Variants in JARID2 observed in about 807,000 individuals in gnomAD.
JARID2 encodes protein Jumonji.
A neutral mutation model predicts 125.6 loss-of-function variants in JARID2; 21 were observed. The observed-to-expected ratio is 0.17, with a 90% CI of 0.12 to 0.24. The LOEUF (loss-of-function observed/expected upper bound fraction) is 0.24. JARID2 is among the 10% of genes least tolerant of loss of function. The probability of loss-of-function intolerance (pLI) is 1.00; values close to 1 mark genes in which losing one functional copy is unlikely to be tolerated. For synonymous variants in JARID2, 736 were observed against 661.6 expected, an observed-to-expected ratio of 1.11 and a Z score of -1.73; for missense variants, 1,303 against 1,639.6, an observed-to-expected ratio of 0.79 and a Z score of 3.55.
In JARID2 at chr6:15,271,453, G is replaced by A. The variant is rs964888748; in HGVS notation, c.45+24869G>A. ...ATCTCACATCTCTGTCCCAACCTGA[G>A]CATCGAAGGGTAGGGTTCCCAATAA... On this transcript the variant is annotated intron_variant, in intron 1 of 17. Transcript: ENST00000341776. Among the ~76,000 whole-genome samples, 3 of 152,184 alleles carry A rather than the reference G, an allele frequency of 2.0e-5. 1 individual carries two copies. The highest frequency in any genetic ancestry group is 4.1e-4 in the South Asian group (2 of 4,830).
chr6:15,280,354 A>G (rs1282416965), intron 1 of JARID2, among the ~76,000 whole-genome samples: 2 of 152,150 alleles, frequency 1.3e-5, no homozygotes, highest in Non-Finnish European at 2.9e-5. Context: ...TTCCCTTCCA[A>G]TTTAGAAAAA....
chr6:15,504,921 C>CT (rs1204910434), intron 9 of JARID2, among the ~76,000 whole-genome samples: 6 of 152,280 alleles, frequency 3.9e-5, no homozygotes, highest in African/African-American at 1.4e-4. Flanking sequence ...CTCTGTGTGT[C>CT]TGTTATGCAA....
At chr6:15,246,645 A>C in intron 1 of JARID2, 61 bp downstream of exon 1, 117 of 1,351,214 alleles carry the variant, frequency 8.7e-5, no homozygotes, top group Non-Finnish European at 1.2e-4. Flanking sequence ...TGTGAATGTC[A>C]AGTTTATAGA....
intron 1 of JARID2, among the ~76,000 whole-genome samples, chr6:15,270,414 G>A (rs571335023): frequency 2.5e-3 from 377 of 152,274 alleles, no homozygotes; most frequent in Non-Finnish European, 3.9e-3. Flanking sequence ...TTACAGGCAC[G>A]AGCCACTGCA....
intron 2 of JARID2, among the ~76,000 whole-genome samples, chr6:15,383,829 C>T (rs1764682582): frequency 1.3e-5 from 2 of 152,164 alleles, no homozygotes. Flanking sequence ...TGGAGTTTCG[C>T]TCTTGTCCAG....
intron 3 of JARID2, among the ~76,000 whole-genome samples, chr6:15,440,431 C>A (rs1448918513): frequency 1.3e-5 from 2 of 152,210 alleles, no homozygotes; most frequent in East Asian, 3.9e-4. Context: ...CTCCCAGCCC[C>A]TCAGGTCCCT....
intron 3 of JARID2, among the ~76,000 whole-genome samples, chr6:15,414,151 A>AAGAC (rs1304578282): frequency 6.6e-6 from 1 of 152,138 alleles, no homozygotes; most frequent in Admixed American, 6.5e-5. Flanking sequence ...ACTGAGAGGG[A>AAGAC]TTGTATGTGC....
chr6:15,278,302 A>G (rs775093585), intron 1 of JARID2, among the ~76,000 whole-genome samples: 15 of 150,330 alleles, frequency 1.0e-4, no homozygotes, highest in Non-Finnish European at 1.9e-4. Flanking sequence ...AAACACTGCA[A>G]TGAGCCAGGC....
intron 2 of JARID2, among the ~76,000 whole-genome samples, chr6:15,380,089 G>A (rs1051607206): frequency 2.0e-5 from 3 of 151,476 alleles, no homozygotes; most frequent in Non-Finnish European, 2.9e-5. Context: ...AGGCTGGAGT[G>A]TAATGGCGCA....
At chr6:15,296,782 G>A (rs535048842) in intron 1 of JARID2, among the ~76,000 whole-genome samples, 7 of 152,174 alleles carry the variant, frequency 4.6e-5, no homozygotes, top group Non-Finnish European at 7.3e-5. Context: ...GACACATTAA[G>A]GTGTTGTAGG....
intron 3 of JARID2, among the ~76,000 whole-genome samples, chr6:15,433,516 G>C (rs1341889581): frequency 2.0e-5 from 3 of 151,584 alleles, no homozygotes; most frequent in Non-Finnish European, 4.4e-5. Context: ...TCATCCAAGT[G>C]AAAGTCTTTT....
intron 3 of JARID2, among the ~76,000 whole-genome samples, chr6:15,445,995 C>T (rs759354728): frequency 1.3e-5 from 2 of 152,116 alleles, no homozygotes; most frequent in Non-Finnish European, 2.9e-5. Context: ...TTACCTGGAG[C>T]ACAACAATAC....
chr6:15,466,396 T>C (rs184525381), intron 4 of JARID2, among the ~76,000 whole-genome samples: 171 of 152,358 alleles, frequency 1.1e-3, no homozygotes, highest in Non-Finnish European at 1.9e-3. Context: ...AAGGTTGTTC[T>C]TTAAAAGAAA....
intron 2 of JARID2, among the ~76,000 whole-genome samples, chr6:15,378,593 T>TTG (rs1764460124): frequency 6.6e-6 from 1 of 152,202 alleles, no homozygotes; most frequent in South Asian, 2.1e-4. Flanking sequence ...AACAGGTATT[T>TTG]AATTCACAGT....
chr6:15,440,497 G>T (rs1264660760), intron 3 of JARID2, among the ~76,000 whole-genome samples: 1 of 152,124 alleles, frequency 6.6e-6, no homozygotes, highest in Admixed American at 6.6e-5. Context: ...CCTGAAATAT[G>T]GTACCATGTG....
chr6:15,401,446 A>G (rs946785447), intron 2 of JARID2, among the ~76,000 whole-genome samples: 2 of 152,106 alleles, frequency 1.3e-5, no homozygotes, highest in African/African-American at 2.4e-5. Flanking sequence ...TTATCTGATC[A>G]TTTCCCAGCA....
At chr6:15,404,001 C>T (rs1300186834) in intron 2 of JARID2, among the ~76,000 whole-genome samples, 1 of 152,158 alleles carries the variant, frequency 6.6e-6, no homozygotes. Context: ...CTAGTCGGCT[C>T]AGGGGCTGGT....
chr6:15,255,847 A>G (rs1158710229), intron 1 of JARID2, among the ~76,000 whole-genome samples: 2 of 152,178 alleles, frequency 1.3e-5, no homozygotes, highest in Admixed American at 1.3e-4. Flanking sequence ...TATTACTGCT[A>G]CTAAATGGAC....
At chr6:15,408,737 G>C (rs1765752314) in intron 2 of JARID2, among the ~76,000 whole-genome samples, 1 of 152,068 alleles carries the variant, frequency 6.6e-6, no homozygotes, top group South Asian at 2.1e-4. Flanking sequence ...TATCCACACT[G>C]GGCATATTTC....
Sources: allele counts gnomAD v4.1 joint callset (sites outside exome capture counted in the v4.1 genomes callset), GRCh38; gene constraint gnomAD v4.1.1; transcripts MANE v1.5; gene names NCBI Gene and HGNC (gene_info 2026-07-23, HGNC 2026-07-21).